Variants in GABRA3 observed in about 807,000 individuals in gnomAD.
The protein encoded by GABRA3 is gamma-aminobutyric acid type A receptor subunit alpha3.
GABRA3 carries 10 observed loss-of-function variants against 30.1 expected under a neutral mutation model. That is an observed-to-expected ratio of 0.33 (90% CI 0.20 to 0.56). The LOEUF is 0.56. Ranked by LOEUF, GABRA3 falls within the 20% of genes least tolerant of loss-of-function variation. The probability of loss-of-function intolerance (pLI) is 0.89; values close to 1 mark genes in which losing one functional copy is unlikely to be tolerated. For synonymous variants in GABRA3, 151 were observed against 146.8 expected (o/e 1.03, Z -0.21); for missense variants, 233 against 392.0 (o/e 0.59, Z 3.42).
chrX:152,435,433 A>G (rs1930754945), intron 1 of GABRA3, among the ~76,000 whole-genome samples: 1 of 111,343 alleles, frequency 9.0e-6, no homozygotes, highest in Non-Finnish European at 1.9e-5. Context: ...GGGTGAGTTC[A>G]TGTCCTTTGC....
intron 9 of GABRA3, among the ~76,000 whole-genome samples, chrX:152,188,933 C>T (rs1937289497): frequency 1.8e-5 from 2 of 111,705 alleles, no homozygotes; most frequent in African/African-American, 6.5e-5. Flanking sequence ...CTTAATTTCA[C>T]TGTATTCATG....
In GABRA3 at chrX:152,424,267, T is replaced by A. The variant is rs778835950; in HGVS notation, c.-27+26879A>T. 2.8e-5 allele frequency among the ~76,000 whole-genome samples: 3 copies of A among 108,932 alleles called. No homozygotes were observed. The East Asian group carries it at 8.9e-4, about 32-fold the overall frequency. 94.6% of individuals were successfully genotyped at this position (108,932 alleles called of 115,157 possible). The stretch of plus-strand genomic sequence containing the variant: ...CCTTTCCAACAGCCCCCATGTCTAT[T>A]TCGTCTAACTTTTTATCAATTTTAC... On this transcript the variant is annotated intron_variant, in intron 1 of 9. Transcript: ENST00000370314.
At chrX:152,323,825 A>T (rs966491686) in intron 3 of GABRA3, among the ~76,000 whole-genome samples, 3 of 111,737 alleles carry the variant, frequency 2.7e-5, no homozygotes, top group Non-Finnish European at 5.6e-5. Flanking sequence ...CTGGGCATAA[A>T]ATCTGTATTT....
At chrX:152,389,294 A>T (rs1228393081) in intron 1 of GABRA3, 1 of 112,540 alleles carries the variant, frequency 8.9e-6, no homozygotes, top group African/African-American at 3.2e-5. Context: ...CAGATTATGA[A>T]TTGAAACTTA....
chrX:152,344,405 AT>A (rs995217004), intron 3 of GABRA3, among the ~76,000 whole-genome samples: 1 of 111,598 alleles, frequency 9.0e-6, no homozygotes, highest in African/African-American at 3.3e-5. Context: ...AGAGAAAGAG[AT>A]TTTTTCTTAC....
chrX:152,395,242 G>T (rs1929626537), intron 1 of GABRA3, among the ~76,000 whole-genome samples: 1 of 111,361 alleles, frequency 9.0e-6, no homozygotes, highest in Non-Finnish European at 1.9e-5. Flanking sequence ...CTATGATACA[G>T]TTAGTAAGCA....
At chrX:152,251,060 T>C (rs781426569) in intron 5 of GABRA3, 1 of 297,355 alleles carries the variant, frequency 3.4e-6, no homozygotes, top group Admixed American at 4.3e-5. Context: ...CAGGCTTTTA[T>C]TTTTCCATTT....
At chrX:152,328,357 G>A (rs1437974601) in intron 3 of GABRA3, among the ~76,000 whole-genome samples, 1 of 111,683 alleles carries the variant, frequency 9.0e-6, no homozygotes, top group Admixed American at 9.5e-5. Flanking sequence ...TATGGGGCTA[G>A]CATCTTCCTC....
At chrX:152,327,871 T>G (rs1357569782) in intron 3 of GABRA3, among the ~76,000 whole-genome samples, 1 of 111,002 alleles carries the variant, frequency 9.0e-6, no homozygotes, top group East Asian at 2.9e-4. Context: ...CTGGAGGAGA[T>G]AGAGACACAA....
rs376291829 is a variant in GABRA3 at position 152,382,372 on chromosome X, G to A, written c.-26-17776C>T. On this transcript the variant is annotated intron_variant, in intron 1 of 9. Transcript: ENST00000370314. ...CAACCATTGTGGAAGACAGTGTGGCGATTCCTGAAGGATCTAGAACTAGAA... is the reference window on the plus strand; with the variant it reads ...CAACCATTGTGGAAGACAGTGTGGCAATTCCTGAAGGATCTAGAACTAGAA... Among the ~76,000 whole-genome samples, 7 of 112,129 alleles carry A rather than the reference G, an allele frequency of 6.2e-5. No individual in the cohort carries two copies. The East Asian group carries it at 8.5e-4, about 14-fold the overall frequency.
At chrX:152,174,907 G>A (rs779823088) in intron 9 of GABRA3, among the ~76,000 whole-genome samples, 1 of 111,847 alleles carries the variant, frequency 8.9e-6, no homozygotes, top group East Asian at 2.8e-4. Context: ...TTTTCTTCTG[G>A]GGTTTTTATG....
At chrX:152,273,580 GTATATGTAATGAAA>G (rs1486606585) in intron 4 of GABRA3, among the ~76,000 whole-genome samples, 2 of 112,416 alleles carry the variant, frequency 1.8e-5, no homozygotes, top group Non-Finnish European at 3.8e-5. Flanking sequence ...AATACGGTAT[GTATATGTAATGAAA>G]TACTATTCAG....
intron 1 of GABRA3, among the ~76,000 whole-genome samples, chrX:152,378,313 C>T (rs923140946): frequency 1.8e-5 from 2 of 111,468 alleles, no homozygotes; most frequent in Non-Finnish European, 3.8e-5. Flanking sequence ...TTATCAGGTG[C>T]ATATTATATA....
intron 1 of GABRA3, among the ~76,000 whole-genome samples, chrX:152,366,099 T>C (rs2124495846): frequency 9.0e-6 from 1 of 111,146 alleles, no homozygotes; most frequent in African/African-American, 3.3e-5. Context: ...AGTATATGAG[T>C]AAGAAAAGAT....
chrX:152,309,912 A>T (rs900690453), intron 3 of GABRA3, among the ~76,000 whole-genome samples: 1 of 112,316 alleles, frequency 8.9e-6, no homozygotes. Flanking sequence ...TGACACTCAT[A>T]GGCTCAAAGT....
At chrX:152,182,257 T>C (rs1310006576) in intron 9 of GABRA3, among the ~76,000 whole-genome samples, 1 of 105,232 alleles carries the variant, frequency 9.5e-6, no homozygotes, top group Admixed American at 1.1e-4. Context: ...GAGTATTTTT[T>C]TTAAGTTTAT....
intron 1 of GABRA3, among the ~76,000 whole-genome samples, chrX:152,379,967 A>G (rs754638318): frequency 1.8e-5 from 2 of 110,290 alleles, no homozygotes; most frequent in Non-Finnish European, 3.8e-5. Context: ...CCTCCTGAGT[A>G]GCTGGGATTA....
At chrX:152,291,164 ATTTG>A (rs1165395478) in intron 3 of GABRA3, among the ~76,000 whole-genome samples, 3 of 111,728 alleles carry the variant, frequency 2.7e-5, no homozygotes, top group East Asian at 2.8e-4. Flanking sequence ...ATGTTCTTCC[ATTTG>A]TTTGTGTCCT....
intron 3 of GABRA3, among the ~76,000 whole-genome samples, chrX:152,326,314 G>C (rs780537642): frequency 8.9e-6 from 1 of 111,852 alleles, no homozygotes; most frequent in South Asian, 3.8e-4. Context: ...CTCCAACCTA[G>C]CAAGGCAGGC....
Sources: gnomAD v4.1 joint callset for allele counts (sites outside exome capture counted in the v4.1 genomes callset) on GRCh38, gnomAD v4.1.1 for gene constraint, MANE v1.5 for transcripts, NCBI Gene and HGNC (gene_info 2026-07-23, HGNC 2026-07-21) for gene names.